Variants in EDA observed in about 807,000 individuals in gnomAD.
The protein encoded by EDA is ectodysplasin A.
EDA carries 2 observed loss-of-function variants against 23.6 expected under a neutral mutation model. The ratio of observed to expected loss-of-function variants is 0.08; its 90% CI spans 0.03 to 0.27. The LOEUF is 0.27. Ranked by LOEUF, EDA falls within the 10% of genes least tolerant of loss-of-function variation. The pLI is 1.00. For missense variants in EDA, 229 were observed against 324.2 expected, an observed-to-expected ratio of 0.71 and a Z score of 2.26; for synonymous variants, 131 against 132.0, an observed-to-expected ratio of 0.99 and a Z score of 0.05.
At chrX:69,951,128 G>A (rs2018919550) in intron 1 of EDA, among the ~76,000 whole-genome samples, 2 of 108,123 alleles carry the variant, frequency 1.8e-5, no homozygotes, top group South Asian at 8.1e-4. Context: ...AGATATGAAA[G>A]TCTCTTATCA....
intron 1 of EDA, among the ~76,000 whole-genome samples, chrX:69,956,305 TTCTTTCTCTTTC>T (rs1184314810): frequency 2.0e-4 from 12 of 59,369 alleles, no homozygotes; most frequent in African/African-American, 4.4e-4. Context: ...CTTTCTTTCT[TTCTTTCTCTTTC>T]TCTTTCTCTT....
intron 1 of EDA, among the ~76,000 whole-genome samples, chrX:69,683,838 G>A (rs1277600853): frequency 8.9e-6 from 1 of 112,052 alleles, no homozygotes; most frequent in African/African-American, 3.2e-5. Context: ...TTATTTCTTA[G>A]GTATCCTAAG....
intron 2 of EDA, among the ~76,000 whole-genome samples, chrX:69,963,371 G>C (rs1431769367): frequency 4.5e-5 from 5 of 111,814 alleles, no homozygotes; most frequent in Non-Finnish European, 9.4e-5. Context: ...TCAAATGAGA[G>C]AGTAAAATCA....
intron 1 of EDA, among the ~76,000 whole-genome samples, chrX:69,672,970 T>C (rs930285380): frequency 1.8e-5 from 2 of 111,783 alleles, no homozygotes; most frequent in African/African-American, 6.5e-5. Context: ...AAGTGATTTT[T>C]ATTTTATGTA....
intron 2 of EDA, chrX:69,957,352 G>T: frequency 5.5e-6 from 2 of 366,281 alleles, no homozygotes; most frequent in Non-Finnish European, 9.7e-6. Context: ...AAAATTAGCC[G>T]GGCCTAGTCC....
chrX:69,669,972 G>T (rs908052658), intron 1 of EDA, among the ~76,000 whole-genome samples: 1 of 111,773 alleles, frequency 8.9e-6, no homozygotes, highest in Non-Finnish European at 1.9e-5. Context: ...ATTTGAGTAT[G>T]TATTTACCTC....
At chrX:69,833,192 T>C (rs913931263) in intron 1 of EDA, among the ~76,000 whole-genome samples, 2 of 112,112 alleles carry the variant, frequency 1.8e-5, no homozygotes, top group Non-Finnish European at 3.8e-5. Context: ...TAAATAGCTC[T>C]AATTATTTTG....
At position 70,035,415 on chromosome X, in the gene EDA, C is replaced by G; in HGVS notation, c.982C>G (p.Pro328Ala). The change falls in exon 8 of 8, where the codon CCC becomes GCC. Residue 328 changes from proline to alanine, a missense_variant. Physicochemically the swap from Pro to Ala is conservative, Grantham distance 27. Around this residue, in one of 2 missense-constraint regions of EDA, gnomAD observed 175 missense variants for 281.8 expected, o/e 0.62. Coordinates refer to ENST00000374552, the MANE Select transcript of EDA (RefSeq NM_001399.5). Reference sequence around the variant, plus strand: ...CTATGAGGTGGTGGTGGATGAGAAGCCCTTCCTGCAGTGCACACGCAGCAT... The same window carrying G: ...CTATGAGGTGGTGGTGGATGAGAAGGCCTTCCTGCAGTGCACACGCAGCAT... ...ASYEVVVDEKPFLQCTRSIET... is the reference protein window; with the variant it reads ...ASYEVVVDEKAFLQCTRSIET... 8.3e-7 allele frequency: 1 copy of G among 1,210,030 alleles called. No individual in the cohort carries two copies. Among genetic ancestry groups the G allele is most frequent in the African/African-American group, 1.7e-5 (1 of 57,509 alleles).
chrX:69,798,934 A>G (rs903388109), intron 1 of EDA, among the ~76,000 whole-genome samples: 7 of 111,807 alleles, frequency 6.3e-5, no homozygotes, highest in Non-Finnish European at 9.4e-5. Context: ...GAATCACATT[A>G]CCTGACTTAA....
chrX:69,624,789 CCTCTCT>C (rs751401580), intron 1 of EDA, among the ~76,000 whole-genome samples: 11 of 95,764 alleles, frequency 1.1e-4, no homozygotes, highest in East Asian at 3.2e-4. Flanking sequence ...GTCAGAAGCT[CCTCTCT>C]CTCTCTCTCT....
At chrX:69,655,204 T>C (rs1025590043) in intron 1 of EDA, among the ~76,000 whole-genome samples, 8 of 111,476 alleles carry the variant, frequency 7.2e-5, no homozygotes, top group African/African-American at 2.3e-4. Flanking sequence ...GAGACCAGCC[T>C]GGCCAACATG....
intron 1 of EDA, among the ~76,000 whole-genome samples, chrX:69,707,869 C>T (rs2011792732): frequency 9.0e-6 from 1 of 111,110 alleles, no homozygotes; most frequent in Non-Finnish European, 1.9e-5. Context: ...CATACAGTAC[C>T]CATTCCTGTT....
chrX:69,910,844 A>G (rs1400602020), intron 1 of EDA, among the ~76,000 whole-genome samples: 1 of 111,661 alleles, frequency 9.0e-6, no homozygotes, highest in Non-Finnish European at 1.9e-5. Context: ...GTTTTCCTTT[A>G]TACGCTGAAG....
intron 2 of EDA, among the ~76,000 whole-genome samples, chrX:69,982,703 T>C (rs1276935626): frequency 9.8e-6 from 1 of 101,810 alleles, no homozygotes; most frequent in Admixed American, 1.1e-4. Context: ...GGAATAGGTG[T>C]GGTGTGGTGC....
chrX:69,787,549 G>A (rs1179931313), intron 1 of EDA, among the ~76,000 whole-genome samples: 1 of 103,272 alleles, frequency 9.7e-6, no homozygotes, highest in Non-Finnish European at 2.0e-5. Context: ...CTTCACTTAT[G>A]AAGCTTAGTT....
At chrX:69,693,023 A>G (rs1014709226) in intron 1 of EDA, 2 of 111,976 alleles carry the variant, frequency 1.8e-5, no homozygotes, top group South Asian at 7.5e-4. Flanking sequence ...TGTATAGAGC[A>G]CTAAAAACCA....
intron 1 of EDA, among the ~76,000 whole-genome samples, chrX:69,802,510 T>A (rs1054703396): frequency 9.0e-6 from 1 of 110,927 alleles, no homozygotes; most frequent in Non-Finnish European, 1.9e-5. Context: ...TTAAGTTGAG[T>A]AGTAGGAACA....
At chrX:69,737,778 T>C (rs774520419) in intron 1 of EDA, among the ~76,000 whole-genome samples, 28 of 111,752 alleles carry the variant, frequency 2.5e-4, no homozygotes, top group Admixed American at 1.0e-3. Context: ...TCTCTGTTTT[T>C]GTTTGCCTGA....
intron 1 of EDA, among the ~76,000 whole-genome samples, chrX:69,921,748 T>C (rs1050835308): frequency 9.0e-5 from 10 of 111,553 alleles, no homozygotes; most frequent in Non-Finnish European, 1.9e-4. Flanking sequence ...TAGATTCTTT[T>C]GTCAAATTCT....
Sources: allele counts gnomAD v4.1 joint callset (sites outside exome capture counted in the v4.1 genomes callset), GRCh38; gene constraint gnomAD v4.1.1; regional missense constraint gnomAD v4.1.1; transcripts MANE v1.5; gene names NCBI Gene and HGNC (gene_info 2026-07-23, HGNC 2026-07-21).